The following CTDNEP1 variants were observed in gnomAD, a reference collection of about 807,000 sequenced individuals.
CTDNEP1 encodes CTD nuclear envelope phosphatase 1.
In CTDNEP1, 3 loss-of-function variants were observed where a neutral mutation model predicts 30.1. The observed-to-expected ratio is 0.10, with a 90% CI of 0.05 to 0.26. The LOEUF (loss-of-function observed/expected upper bound fraction) is 0.26. Among genes scored for constraint, CTDNEP1 ranks in the 10% least tolerant of loss-of-function variants. The probability of loss-of-function intolerance (pLI) is 1.00; values close to 1 mark genes in which losing one functional copy is unlikely to be tolerated. For synonymous variants in CTDNEP1, 123 were observed against 118.8 expected, an observed-to-expected ratio of 1.04 and a Z score of -0.23; for missense variants, 158 against 310.4, an observed-to-expected ratio of 0.51 and a Z score of 3.69.
intron 1 of CTDNEP1, among the ~76,000 whole-genome samples, chr17:7,250,677 G>A (rs1481711124): frequency 6.6e-6 from 1 of 152,056 alleles, no homozygotes; most frequent in Non-Finnish European, 1.5e-5. Flanking sequence ...TCTCTTAATG[G>A]GAACCGCAGG....
chr17:7,249,804 G>C (rs968004704), intron 1 of CTDNEP1, among the ~76,000 whole-genome samples: 3 of 152,120 alleles, frequency 2.0e-5, no homozygotes, highest in African/African-American at 7.2e-5. Context: ...CCAGCTATTC[G>C]AGAGGCTGAA....
chr17:7,248,999 C>T lies in CTDNEP1; in HGVS notation c.103-1656G>A, dbSNP rs77933998. 0.027 allele frequency among the ~76,000 whole-genome samples: 4,118 copies of T among 152,218 alleles called. 257 individuals are homozygous for T. The East Asian group carries it at 0.28, about 10-fold the overall frequency. ...TCTGAACAGTCTCCTTATCCTGGTA[C>T]CCAGGGTGAGGCAAAGAACACTGGA... On this transcript the variant is annotated intron_variant, in intron 1 of 7. Coordinates refer to ENST00000574322, the MANE Select transcript of CTDNEP1 (RefSeq NM_001143775.2).
rs2071841564 is a variant in CTDNEP1, at chr17:7,246,631, C to T, written c.360+160G>A. ...AATTACATCAGCACAACAAATGAAC[C>T]CCAAGTACTGAAAGCCACTCCCCTA... On this transcript the variant is annotated intron_variant, in intron 4 of 7. Transcript: ENST00000574322. This position sits in a 1 kb window ranked among gnomAD's most constrained non-coding sequence, Gnocchi z 4.9. 1 of 694,618 alleles carries T rather than the reference C, an allele frequency of 1.4e-6. No individual in the cohort carries two copies. The highest frequency in any genetic ancestry group is 2.6e-6 in the Non-Finnish European group (1 of 389,664). 43.0% of individuals were successfully genotyped at this position (694,618 alleles called of 1,614,324 possible).
intron 6 of CTDNEP1, among the ~76,000 whole-genome samples, chr17:7,245,086 T>C (rs2071818563): frequency 6.6e-6 from 1 of 152,120 alleles, no homozygotes; most frequent in Non-Finnish European, 1.5e-5. Context: ...AGGTCAGGAA[T>C]TCAAGACCAG....
intron 7 of CTDNEP1, 41 bp downstream of exon 7, chr17:7,244,510 T>C (rs1408956971): frequency 6.5e-7 from 1 of 1,545,858 alleles, no homozygotes; most frequent in East Asian, 2.2e-5. Flanking sequence ...CACCTCCTCC[T>C]TTCTTGAGAT....
chr17:7,244,377 G>T, intron 7 of CTDNEP1, 132 bp from the exon 8 acceptor site: 3 of 1,212,934 alleles, frequency 2.5e-6, no homozygotes, highest in Non-Finnish European at 3.6e-6. Context: ...GGTTCAATTT[G>T]CCCACAGCCT....
chr17:7,247,041 C>A (rs1420558064), intron 3 of CTDNEP1, 23 bp downstream of exon 3: 1 of 1,564,664 alleles, frequency 6.4e-7, no homozygotes, highest in African/African-American at 1.4e-5. Context: ...GGAACCATTT[C>A]ATCACTCCCC....
chr17:7,250,217 G>C (rs1389178537), intron 1 of CTDNEP1, among the ~76,000 whole-genome samples: 1 of 152,160 alleles, frequency 6.6e-6, no homozygotes, highest in Non-Finnish European at 1.5e-5. Context: ...TTGTATTGAG[G>C]TATGCTAAGG....
Position 7,244,055 on chromosome 17 carries a change from G to A in CTDNEP1, c.*130C>T, listed in dbSNP as rs895413415. ...CTCCAAGTGGAGTGTAGGGCTCCCA[G>A]GGCAGAGAGGGGTGGGAGGGGCAGA... On this transcript the variant is annotated 3_prime_UTR_variant, in exon 8 of 8. Transcript: ENST00000574322. 1.8e-5 allele frequency: 27 copies of A among 1,486,944 alleles called. No homozygotes were observed. The Admixed American group carries it at 2.7e-4, about 15-fold the overall frequency. 92.1% of individuals were successfully genotyped at this position (1,486,944 alleles called of 1,614,324 possible). A position where few individuals can be genotyped will look rare whatever the true frequency, so the allele number is the denominator to read the frequency against.
At chr17:7,250,762 A>G (rs2071906898) in intron 1 of CTDNEP1, among the ~76,000 whole-genome samples, 1 of 150,896 alleles carries the variant, frequency 6.6e-6, no homozygotes, top group Non-Finnish European at 1.5e-5. Context: ...ACCCACCTCC[A>G]CCCTTGACAC....
In CTDNEP1 at chr17:7,251,574, G is replaced by GT. The variant is rs902945475; in HGVS notation, c.-279dup. 5.3e-6 allele frequency: 1 copy of GT among 188,320 alleles called. No homozygotes were observed. The highest frequency in any genetic ancestry group is 1.1e-5 in the Non-Finnish European group (1 of 93,446). The allele number at this position is 188,320 out of a possible 1,614,324, so 11.7% of individuals were successfully genotyped here. A position where few individuals can be genotyped will look rare whatever the true frequency, so the allele number is the denominator to read the frequency against. On this transcript the variant is annotated 5_prime_UTR_variant, in exon 1 of 8. Transcript: ENST00000574322. The stretch of plus-strand genomic sequence containing the variant: ...TCGGGGAGGTTGCGGGCCGAGACAG[G>GT]TAGGGCTAGGATGGGGTCCTCCGAG...
At chr17:7,247,408 G>A (rs1244076375) in intron 1 of CTDNEP1, 65 bp from the exon 2 acceptor site, 8 of 1,228,322 alleles carry the variant, frequency 6.5e-6, no homozygotes, top group African/African-American at 1.5e-5. Context: ...AACAGTAACA[G>A]GGAGCACATA....
At chr17:7,251,078 A>C in intron 1 of CTDNEP1, 117 bp downstream of exon 1, 5 of 646,076 alleles carry the variant, frequency 7.7e-6, no homozygotes, top group Non-Finnish European at 1.3e-5. Context: ...CCCAGCCAGG[A>C]TTCCCTTCCT....
chr17:7,248,653 G>A (rs1253183674), intron 1 of CTDNEP1, among the ~76,000 whole-genome samples: 3 of 152,008 alleles, frequency 2.0e-5, no homozygotes, highest in East Asian at 1.9e-4. Flanking sequence ...CACCACCCCC[G>A]GCCGAAGCTG....
chr17:7,244,837 T>C (rs1037766358), intron 6 of CTDNEP1: 1 of 521,980 alleles, frequency 1.9e-6, no homozygotes, highest in African/African-American at 2.0e-5. Context: ...ATGCTTCTAG[T>C]CAAGCTTACT....
In CTDNEP1 at chr17:7,251,382, G is replaced by A. The variant is rs2071922510; in HGVS notation, c.-86C>T. 2 of 919,392 alleles carry A rather than the reference G, an allele frequency of 2.2e-6. No homozygotes were observed. The highest frequency in any genetic ancestry group is 3.4e-5 in the East Asian group (1 of 29,314). The allele number at this position is 919,392 out of a possible 1,614,324, so 57.0% of individuals were successfully genotyped here. A position where few individuals can be genotyped will look rare whatever the true frequency, so the allele number is the denominator to read the frequency against. On this transcript the variant is annotated 5_prime_UTR_variant, in exon 1 of 8. Transcript: ENST00000574322. ...GGGGGCAGCCCCCCGCCGCCGGGAG[G>A]GGGAACGGGGGCCCCGAGTGGCAGG...
rs2071807708 is a variant in CTDNEP1 at position 7,243,990 on chromosome 17, G to A, written c.*195C>T. The A allele has an allele frequency of 2.1e-6, 3 of 1,399,564 alleles. No homozygotes were observed. The highest frequency in any genetic ancestry group is 9.3e-7 in the Non-Finnish European group (1 of 1,075,860). 86.7% of individuals were successfully genotyped at this position (1,399,564 alleles called of 1,614,324 possible). A position where few individuals can be genotyped will look rare whatever the true frequency, so the allele number is the denominator to read the frequency against. On this transcript the variant is annotated 3_prime_UTR_variant, in exon 8 of 8. Transcript: ENST00000574322. ...GGAGTGTGAACACGAAGTTAAGAGT[G>A]AGGCTGCTTCAGAGCCCCTGGCCCA...
chr17:7,248,987 C>T (rs2142998928), intron 1 of CTDNEP1, among the ~76,000 whole-genome samples: 1 of 152,280 alleles, frequency 6.6e-6, no homozygotes, highest in South Asian at 2.1e-4. Flanking sequence ...GAACAGTCTC[C>T]TTATCCTGGT....
At position 7,248,510 on chromosome 17, in the gene CTDNEP1, A is replaced by ACC. The variant is rs1304162805; in HGVS notation, c.103-1168_103-1167insGG. ...AAGCAGCTGGGACTATAGGCGCGCGAACCACGCCCAGCTAATTTTTGTATT... is the reference window on the plus strand; with the variant it reads ...AAGCAGCTGGGACTATAGGCGCGCGACCACCACGCCCAGCTAATTTTTGTATT... On this transcript the variant is annotated intron_variant, in intron 1 of 7. Transcript: ENST00000574322. Among the ~76,000 whole-genome samples, 173 of 151,020 alleles carry ACC rather than the reference A, an allele frequency of 1.1e-3. 2 individuals are homozygous for ACC. Among genetic ancestry groups the ACC allele is most frequent in the East Asian group, 1.8e-3 (9 of 4,998 alleles).
Sources: allele counts gnomAD v4.1 joint callset (sites outside exome capture counted in the v4.1 genomes callset), GRCh38; gene constraint gnomAD v4.1.1; non-coding constraint Gnocchi (gnomAD v3.1); transcripts MANE v1.5; gene names NCBI Gene and HGNC (gene_info 2026-07-23, HGNC 2026-07-21).